PARD3: variants seen among roughly 807,000 people sequenced by gnomAD.
The protein encoded by PARD3 is par-3 family cell polarity regulator, also known as partitioning defective 3 homolog.
A neutral mutation model predicts 155.4 loss-of-function variants in PARD3; 75 were observed. The ratio of observed to expected loss-of-function variants is 0.48; its 90% CI spans 0.40 to 0.58. PARD3 has a LOEUF of 0.58. Among genes scored for constraint, PARD3 ranks in the 20% least tolerant of loss-of-function variants. The probability of loss-of-function intolerance (pLI) is 0.00; values close to 1 mark genes in which losing one functional copy is unlikely to be tolerated. For synonymous variants in PARD3, 576 were observed against 610.5 expected (o/e 0.94, Z 0.83); for missense variants, 1,642 against 1,721.7 (o/e 0.95, Z 0.82).
At chr10:34,544,799 T>C (rs1053911279) in intron 2 of PARD3, among the ~76,000 whole-genome samples, 8 of 152,222 alleles carry the variant, frequency 5.3e-5, no homozygotes, top group African/African-American at 1.9e-4. Flanking sequence ...TAAATTCATT[T>C]TGTTTAATTC....
At chr10:34,352,957 G>A (rs1227596468) in intron 14 of PARD3, among the ~76,000 whole-genome samples, 20 of 150,692 alleles carry the variant, frequency 1.3e-4, no homozygotes, top group Admixed American at 4.6e-4. Flanking sequence ...CTGCCCCGCC[G>A]CCCCATCTGG....
chr10:34,345,827 T>C (rs980918905), intron 15 of PARD3: 2 of 985,196 alleles, frequency 2.0e-6, no homozygotes, highest in Non-Finnish European at 2.4e-6. Context: ...ATTTCACAAA[T>C]TGCATTTGAT....
intron 22 of PARD3, among the ~76,000 whole-genome samples, chr10:34,158,419 C>T (rs898741482): frequency 6.6e-6 from 1 of 152,226 alleles, no homozygotes; most frequent in African/African-American, 2.4e-5. Context: ...GTGTTTGATT[C>T]ACGATTCTTT....
chr10:34,528,899 A>G (rs755068185), intron 2 of PARD3, among the ~76,000 whole-genome samples: 3 of 152,206 alleles, frequency 2.0e-5, no homozygotes, highest in Non-Finnish European at 4.4e-5. Flanking sequence ...ATCAGGATGT[A>G]TAATTATTCA....
intron 2 of PARD3, among the ~76,000 whole-genome samples, chr10:34,616,803 CATGGGTCT>C (rs2091284303): frequency 6.6e-6 from 1 of 151,710 alleles, no homozygotes; most frequent in African/African-American, 2.4e-5. Flanking sequence ...GGTATGGTGG[CATGGGTCT>C]ATGGTCTCAG....
intron 2 of PARD3, among the ~76,000 whole-genome samples, chr10:34,609,272 A>T (rs1462545997): frequency 3.9e-5 from 6 of 152,194 alleles, no homozygotes; most frequent in Non-Finnish European, 8.8e-5. Context: ...TATTCACACA[A>T]CATTAAAATA....
intron 2 of PARD3, among the ~76,000 whole-genome samples, chr10:34,587,571 C>T (rs546753978): frequency 6.6e-6 from 1 of 152,154 alleles, no homozygotes; most frequent in East Asian, 1.9e-4. Flanking sequence ...ATGTGTCATA[C>T]CCTAGATTCC....
At chr10:34,353,185 G>T (rs1054469628) in intron 14 of PARD3, among the ~76,000 whole-genome samples, 15 of 151,418 alleles carry the variant, frequency 9.9e-5, no homozygotes, top group African/African-American at 1.5e-4. Context: ...TGGGGGGCGC[G>T]TCTGCCTGGG....
intron 12 of PARD3, among the ~76,000 whole-genome samples, chr10:34,371,998 C>G (rs1840714247): frequency 6.6e-6 from 1 of 152,026 alleles, no homozygotes; most frequent in African/African-American, 2.4e-5. Flanking sequence ...AGCTGTGAGT[C>G]CTTAACTTTT....
chr10:34,396,182 T>G (rs763902555), intron 7 of PARD3, among the ~76,000 whole-genome samples: 1 of 152,120 alleles, frequency 6.6e-6, no homozygotes, highest in Non-Finnish European at 1.5e-5. Flanking sequence ...AAACCCTGTC[T>G]CTGCTAAAAA....
At chr10:34,346,160 T>G in intron 15 of PARD3, 2 of 1,098,768 alleles carry the variant, frequency 1.8e-6, no homozygotes, top group Non-Finnish European at 2.2e-6. Context: ...GTTCAGTACA[T>G]ATCTAGCAGA....
At position 34,695,626 on chromosome 10, in the gene PARD3, G is replaced by A. The variant is rs1406454473; in HGVS notation, c.222+692C>T. Among the ~76,000 whole-genome samples the A allele has an allele frequency of 9.2e-5, 14 of 152,254 alleles. No homozygotes were observed. In the East Asian group the frequency reaches 2.5e-3, roughly 27 times the overall value. Reference sequence around the variant, plus strand: ...AGTACAGAAAAAAAGTGGGGTAGTGGGAGGGAACACTGAAGAGCAGTAGGT... The same window carrying A: ...AGTACAGAAAAAAAGTGGGGTAGTGAGAGGGAACACTGAAGAGCAGTAGGT... On this transcript the variant is annotated intron_variant, in intron 2 of 24. Coordinates refer to ENST00000374788, the MANE Select transcript of PARD3 (RefSeq NM_001184785.2).
At chr10:34,623,865 C>T (rs1362744479) in intron 2 of PARD3, among the ~76,000 whole-genome samples, 1 of 150,176 alleles carries the variant, frequency 6.7e-6, no homozygotes, top group Non-Finnish European at 1.5e-5. Flanking sequence ...CCTGTAGTCC[C>T]ACCTACTTGG....
At chr10:34,682,848 T>A (rs1292130403) in intron 2 of PARD3, among the ~76,000 whole-genome samples, 1 of 152,126 alleles carries the variant, frequency 6.6e-6, no homozygotes, top group Non-Finnish European at 1.5e-5. Flanking sequence ...CCAGCCTCGG[T>A]GACAGAGCAA....
At chr10:34,188,108 T>C (rs576734405) in intron 22 of PARD3, among the ~76,000 whole-genome samples, 2 of 152,328 alleles carry the variant, frequency 1.3e-5, no homozygotes, top group South Asian at 4.1e-4. Context: ...TGAGAGCATA[T>C]TGATTAATAA....
chr10:34,742,530 T>G (rs751633463), intron 1 of PARD3, among the ~76,000 whole-genome samples: 1 of 152,146 alleles, frequency 6.6e-6, no homozygotes, highest in Non-Finnish European at 1.5e-5. Context: ...TCAGTTTCCG[T>G]GTTCATTAAG....
chr10:34,408,963 G>A (rs1015171763), intron 5 of PARD3, among the ~76,000 whole-genome samples: 1 of 152,008 alleles, frequency 6.6e-6, no homozygotes, highest in Non-Finnish European at 1.5e-5. Flanking sequence ...TATAAACTAT[G>A]CTCTACTGAA....
intron 2 of PARD3, among the ~76,000 whole-genome samples, chr10:34,641,536 C>T (rs1455287225): frequency 6.6e-6 from 1 of 152,200 alleles, no homozygotes; most frequent in Non-Finnish European, 1.5e-5. Flanking sequence ...CATGAAAAAT[C>T]TCAGGGCCTG....
intron 2 of PARD3, among the ~76,000 whole-genome samples, chr10:34,595,259 T>C (rs1323928036): frequency 6.6e-6 from 1 of 152,222 alleles, no homozygotes; most frequent in Admixed American, 6.5e-5. Context: ...AAGTCTTTCT[T>C]GTGGGATGGG....
Sources: gnomAD v4.1 joint callset for allele counts (sites outside exome capture counted in the v4.1 genomes callset) on GRCh38, gnomAD v4.1.1 for gene constraint, MANE v1.5 for transcripts, NCBI Gene and HGNC (gene_info 2026-07-23, HGNC 2026-07-21) for gene names.